The following WDR72 variants were observed in gnomAD, a reference collection of about 807,000 sequenced individuals.
The protein encoded by WDR72 is WD repeat domain 72.
Under a neutral mutation model 124.2 loss-of-function variants are expected in WDR72, and 120 were observed. The ratio of observed to expected loss-of-function variants is 0.97; its 90% confidence interval spans 0.83 to 1.12. WDR72 has a LOEUF of 1.12. WDR72 is among the 50% of genes most tolerant of loss of function. The pLI is 0.00. For missense variants in WDR72, 1,387 were observed against 1,278.8 expected, an observed-to-expected ratio of 1.08 and a Z score of -1.29; for synonymous variants, 452 against 441.7, an observed-to-expected ratio of 1.02 and a Z score of -0.29.
chr15:53,618,975 C>T (rs866837482), intron 14 of WDR72, among the ~76,000 whole-genome samples: 1 of 151,858 alleles, frequency 6.6e-6, no homozygotes, highest in Non-Finnish European at 1.5e-5. Context: ...TTTTAGTTTG[C>T]CAGTTGTCTT....
rs539120944 is a variant in WDR72 at position 53,688,673 on chromosome 15, C to A, written c.1765+11077G>T. 3.9e-5 allele frequency among the ~76,000 whole-genome samples: 6 copies of A among 152,262 alleles called. No individual in the cohort carries two copies. In the East Asian group the frequency reaches 5.8e-4, roughly 15 times the overall value. On this transcript the variant is annotated intron_variant, in intron 13 of 19. Transcript: ENST00000360509. ...TTTACAGATTCAATGCCATCCCCATCAAGCTACCAATGCCTTTCTTCACAG... is the reference window on the plus strand; with the variant it reads ...TTTACAGATTCAATGCCATCCCCATAAAGCTACCAATGCCTTTCTTCACAG...
intron 18 of WDR72, among the ~76,000 whole-genome samples, chr15:53,531,132 T>C (rs1264770798): frequency 6.6e-6 from 1 of 152,128 alleles, no homozygotes; most frequent in Non-Finnish European, 1.5e-5. Context: ...AGGAAGAACA[T>C]GTCTGAGTTA....
chr15:53,672,061 C>A (rs143399740), intron 13 of WDR72, among the ~76,000 whole-genome samples: 1 of 151,976 alleles, frequency 6.6e-6, no homozygotes, highest in Non-Finnish European at 1.5e-5. Flanking sequence ...AGGAATAGTG[C>A]CCCTAAAGTG....
At chr15:53,549,776 T>C (rs1893651247) in intron 18 of WDR72, among the ~76,000 whole-genome samples, 1 of 152,204 alleles carries the variant, frequency 6.6e-6, no homozygotes, top group East Asian at 1.9e-4. Context: ...TAGGCTAACT[T>C]AGGCTTTGGT....
chr15:53,749,916 G>A (rs921840555), intron 1 of WDR72, among the ~76,000 whole-genome samples: 1 of 152,182 alleles, frequency 6.6e-6, no homozygotes, highest in African/African-American at 2.4e-5. Flanking sequence ...GGAAGCTGCA[G>A]TGGAAAAGCT....
intron 10 of WDR72, 125 bp from the exon 11 acceptor site, chr15:53,705,358 T>A: frequency 1.2e-6 from 1 of 850,576 alleles, no homozygotes; most frequent in Non-Finnish European, 1.9e-6. Context: ...AGATTCATAT[T>A]GCCAGCATTC....
chr15:53,517,605 C>A lies in WDR72; in HGVS notation c.*94G>T. 1 of 1,332,020 alleles carries A rather than the reference C, an allele frequency of 7.5e-7. No homozygotes were observed. Among genetic ancestry groups the A allele is most frequent in the Non-Finnish European group, 1.1e-6 (1 of 925,044 alleles). 82.5% of individuals were successfully genotyped at this position (1,332,020 alleles called of 1,614,324 possible). A position where few individuals can be genotyped will look rare whatever the true frequency, so the allele number is the denominator to read the frequency against. Reference sequence around the variant, plus strand: ...ATCCACTACAGCCTAATAACTTGACCAATAACAACAATGCTTTTATACAGT... The same window carrying A: ...ATCCACTACAGCCTAATAACTTGACAAATAACAACAATGCTTTTATACAGT... On this transcript the variant is annotated 3_prime_UTR_variant, in exon 20 of 20. Coordinates refer to ENST00000360509, the MANE Select transcript of WDR72 (RefSeq NM_182758.4).
intron 18 of WDR72, among the ~76,000 whole-genome samples, chr15:53,552,955 G>C (rs1893796373): frequency 6.6e-6 from 1 of 152,064 alleles, no homozygotes; most frequent in South Asian, 2.1e-4. Flanking sequence ...AAGGTGGGTT[G>C]AAAGGTTCAA....
intron 13 of WDR72, among the ~76,000 whole-genome samples, chr15:53,693,194 G>A (rs75001740): frequency 0.01 from 1,534 of 152,262 alleles, 28 homozygotes; most frequent in African/African-American, 0.035. Flanking sequence ...GGTCACTAGT[G>A]TAATTTTTAA....
At chr15:53,693,968 C>A (rs976590028) in intron 13 of WDR72, among the ~76,000 whole-genome samples, 6 of 152,140 alleles carry the variant, frequency 3.9e-5, no homozygotes, top group African/African-American at 1.4e-4. Context: ...TGAGCAGGAA[C>A]TAGAAGAAAT....
chr15:53,598,166 G>A (rs867688723), intron 17 of WDR72, among the ~76,000 whole-genome samples: 8 of 152,114 alleles, frequency 5.3e-5, no homozygotes, highest in Admixed American at 2.0e-4. Context: ...TGATATAGAC[G>A]AACTAGGGAC....
chr15:53,665,700 G>A lies in WDR72; in HGVS notation c.1834C>T (p.Leu612Phe). The A allele has an allele frequency of 1.2e-6, 2 of 1,613,890 alleles. No homozygotes were observed. Among genetic ancestry groups the A allele is most frequent in the Non-Finnish European group, 1.7e-6 (2 of 1,179,854 alleles). Reference sequence around the variant, plus strand: ...GCAATGGGAAGTACAGACTTCACAAGCTGTGAATCATCACAACAATTAAGA... The same window carrying A: ...GCAATGGGAAGTACAGACTTCACAAACTGTGAATCATCACAACAATTAAGA... The part of the protein sequence containing the change: ...IILNCCDDSQ[L>F]VKSVLPIASE... Residue 612 changes from leucine to phenylalanine, a missense_variant, in exon 14 of 20, where the codon CTT becomes TTT. Transcript: ENST00000360509.
At chr15:53,661,350 A>G (rs1348979958) in intron 14 of WDR72, among the ~76,000 whole-genome samples, 1 of 152,182 alleles carries the variant, frequency 6.6e-6, no homozygotes, top group Non-Finnish European at 1.5e-5. Context: ...ATGTGTGCAG[A>G]GATCACATGG....
At chr15:53,529,661 T>G (rs1275932797) in intron 18 of WDR72, among the ~76,000 whole-genome samples, 1 of 152,000 alleles carries the variant, frequency 6.6e-6, no homozygotes, top group Non-Finnish European at 1.5e-5. Flanking sequence ...GACAAGGTTA[T>G]GGAGCAGTAT....
chr15:53,716,526 G>A (rs1231645282), intron 4 of WDR72, 81 bp downstream of exon 4: 1 of 919,768 alleles, frequency 1.1e-6, no homozygotes, highest in Non-Finnish European at 1.8e-6. Flanking sequence ...CTCCAAAGAT[G>A]TTTCTTTAGA....
intron 13 of WDR72, among the ~76,000 whole-genome samples, chr15:53,668,714 G>A (rs1401029689): frequency 6.6e-6 from 1 of 151,756 alleles, no homozygotes; most frequent in East Asian, 1.9e-4. Flanking sequence ...GACCAGCCTG[G>A]GCAACATTGG....
At chr15:53,753,679 TC>T (rs2018828016) in intron 1 of WDR72, among the ~76,000 whole-genome samples, 1 of 152,212 alleles carries the variant, frequency 6.6e-6, no homozygotes, top group Non-Finnish European at 1.5e-5. Flanking sequence ...CTTCCTACTT[TC>T]CCTTATTCCT....
chr15:53,612,947 G>A (rs2013607589), intron 16 of WDR72, among the ~76,000 whole-genome samples: 1 of 151,758 alleles, frequency 6.6e-6, no homozygotes, highest in Non-Finnish European at 1.5e-5. Flanking sequence ...CTGGTGTAGG[G>A]GGTGAGAAGC....
At chr15:53,520,705 T>C (rs1461287001) in intron 19 of WDR72, among the ~76,000 whole-genome samples, 1 of 152,094 alleles carries the variant, frequency 6.6e-6, no homozygotes, top group Non-Finnish European at 1.5e-5. Context: ...GTAATGCTTA[T>C]GGTTTTGGAA....
Sources: gnomAD v4.1 joint callset for allele counts (sites outside exome capture counted in the v4.1 genomes callset) on GRCh38, gnomAD v4.1.1 for gene constraint, MANE v1.5 for transcripts, NCBI Gene and HGNC (gene_info 2026-07-23, HGNC 2026-07-21) for gene names.